ZBTB7C: variants seen among roughly 807,000 people sequenced by gnomAD.
The protein encoded by ZBTB7C is zinc finger and BTB domain-containing protein 7C.
Under a neutral mutation model 25.7 loss-of-function variants are expected in ZBTB7C, and 8 were observed. That is an observed-to-expected ratio of 0.31 (90% CI 0.18 to 0.56). ZBTB7C has a LOEUF of 0.56. ZBTB7C is among the 20% of genes least tolerant of loss of function. The pLI is 0.91. For missense variants in ZBTB7C, 824 were observed against 855.2 expected, an observed-to-expected ratio of 0.96 and a Z score of 0.46; for synonymous variants, 394 against 369.0, an observed-to-expected ratio of 1.07 and a Z score of -0.78.
intron 2 of ZBTB7C, among the ~76,000 whole-genome samples, chr18:48,186,226 C>T (rs2145132383): frequency 6.6e-6 from 1 of 152,338 alleles, no homozygotes; most frequent in South Asian, 2.1e-4. Flanking sequence ...CTCTCCCTCC[C>T]CGGCGCTGTG....
In ZBTB7C at chr18:48,336,317, AC is replaced by A. The variant is rs1598898355; in HGVS notation, c.-79+1856del. Among the ~76,000 whole-genome samples the A allele has an allele frequency of 5.9e-5, 9 of 152,156 alleles. No homozygotes were observed. In the East Asian group the frequency reaches 1.7e-3, roughly 29 times the overall value. On this transcript the variant is annotated intron_variant, in intron 2 of 4. Coordinates refer to ENST00000590800, the MANE Select transcript of ZBTB7C (RefSeq NM_001318841.2). ...ACTTCTCCCAGCCTTCCTGGCTCTC[AC>A]CCCCCACCAGACTGTGAGCTTCTCC... is the stretch of plus-strand genomic sequence containing the variant.
chr18:48,204,963 G>A (rs2042544640), intron 2 of ZBTB7C, among the ~76,000 whole-genome samples: 1 of 152,150 alleles, frequency 6.6e-6, no homozygotes, highest in Admixed American at 6.5e-5. Context: ...TGGTGGCAAG[G>A]TACAGTGAGA....
chr18:48,121,469 A>G (rs1470511439), intron 3 of ZBTB7C, among the ~76,000 whole-genome samples: 1 of 151,714 alleles, frequency 6.6e-6, no homozygotes, highest in Non-Finnish European at 1.5e-5. Flanking sequence ...CGATGTACAC[A>G]TTAGAACTAC....
intron 3 of ZBTB7C, among the ~76,000 whole-genome samples, chr18:48,063,736 G>C (rs2037213065): frequency 6.6e-6 from 1 of 152,148 alleles, no homozygotes; most frequent in African/African-American, 2.4e-5. Flanking sequence ...TGGGGCTATG[G>C]GGATTATGTG....
At chr18:48,311,120 A>G (rs1050855454) in intron 2 of ZBTB7C, among the ~76,000 whole-genome samples, 2 of 152,120 alleles carry the variant, frequency 1.3e-5, no homozygotes, top group Non-Finnish European at 2.9e-5. Context: ...AACAAAACCC[A>G]GGGGTAGGCA....
intron 2 of ZBTB7C, among the ~76,000 whole-genome samples, chr18:48,207,131 C>A (rs748147517): frequency 3.9e-5 from 6 of 152,326 alleles, no homozygotes; most frequent in Non-Finnish European, 7.3e-5. Context: ...GGACGTAGCA[C>A]TGAAGCAACC....
chr18:48,343,323 G>T (rs762909180), intron 1 of ZBTB7C, among the ~76,000 whole-genome samples: 35 of 152,060 alleles, frequency 2.3e-4, no homozygotes, highest in Non-Finnish European at 4.7e-4. Flanking sequence ...TCTAAGATTT[G>T]CCCTGTGTTT....
chr18:48,225,967 G>A (rs1029720468), intron 2 of ZBTB7C, among the ~76,000 whole-genome samples: 22 of 152,138 alleles, frequency 1.4e-4, no homozygotes, highest in Non-Finnish European at 8.8e-5. Context: ...GGTCTCGATC[G>A]CTTGACCTCG....
intron 2 of ZBTB7C, among the ~76,000 whole-genome samples, chr18:48,302,273 T>C (rs892859908): frequency 1.3e-5 from 2 of 152,186 alleles, no homozygotes; most frequent in African/African-American, 2.4e-5. Flanking sequence ...CAGGAGAGGA[T>C]AGGGCTGTCA....
At chr18:48,375,602 C>T (rs1159943499) in intron 1 of ZBTB7C, 1 of 152,248 alleles carries the variant, frequency 6.6e-6, no homozygotes, top group East Asian at 1.9e-4. Context: ...CACATACACA[C>T]ACACACAGCA....
At chr18:48,089,607 C>G (rs913070556) in intron 3 of ZBTB7C, among the ~76,000 whole-genome samples, 4 of 152,052 alleles carry the variant, frequency 2.6e-5, no homozygotes, top group Non-Finnish European at 5.9e-5. Context: ...GCACACCGCT[C>G]ACATGGGGCT....
intron 3 of ZBTB7C, among the ~76,000 whole-genome samples, chr18:48,182,787 A>G (rs1426478959): frequency 2.0e-5 from 3 of 152,266 alleles, no homozygotes; most frequent in African/African-American, 7.2e-5. Flanking sequence ...CTTTGGAAAC[A>G]GAATACACAA....
intron 2 of ZBTB7C, among the ~76,000 whole-genome samples, chr18:48,268,362 A>C (rs1472479494): frequency 6.6e-6 from 1 of 152,204 alleles, no homozygotes. Flanking sequence ...TCAGCGCAGA[A>C]CTGAGCTCAA....
chr18:48,308,198 G>C (rs1568366788), intron 2 of ZBTB7C, among the ~76,000 whole-genome samples: 1 of 152,142 alleles, frequency 6.6e-6, no homozygotes, highest in Non-Finnish European at 1.5e-5. Context: ...TACAGACAAG[G>C]CTACTTTGGT....
chr18:48,399,503 G>A lies in ZBTB7C; in HGVS notation c.-304+9723C>T, dbSNP rs190355884. On this transcript the variant is annotated intron_variant, in intron 1 of 4. Coordinates refer to ENST00000590800, the MANE Select transcript of ZBTB7C (RefSeq NM_001318841.2). ...TTAGCTGCAGGAGAAAAATTGAGGAGGCACCGTGGCTGCAGAAGGACTGGC... is the reference window on the plus strand; with the variant it reads ...TTAGCTGCAGGAGAAAAATTGAGGAAGCACCGTGGCTGCAGAAGGACTGGC... Among the ~76,000 whole-genome samples, 244 of 152,346 alleles carry A rather than the reference G, an allele frequency of 1.6e-3. 2 individuals carry two copies. The highest frequency in any genetic ancestry group is 5.2e-3 in the African/African-American group (217 of 41,578).
intron 3 of ZBTB7C, among the ~76,000 whole-genome samples, chr18:48,133,948 T>C (rs2040066559): frequency 6.6e-6 from 1 of 152,142 alleles, no homozygotes; most frequent in African/African-American, 2.4e-5. Context: ...ACCTGTGTAA[T>C]TGCTGTAAAC....
At chr18:48,097,052 G>C (rs958441133) in intron 3 of ZBTB7C, among the ~76,000 whole-genome samples, 3 of 152,232 alleles carry the variant, frequency 2.0e-5, no homozygotes, top group Admixed American at 1.3e-4. Context: ...TAGAGGGTCT[G>C]TCCAGCCCTT....
At position 48,343,971 on chromosome 18, in the gene ZBTB7C, T is replaced by TTTTA. The variant is rs201476545; in HGVS notation, c.-303-5577_-303-5574dup. Among the ~76,000 whole-genome samples, 1,338 of 152,136 alleles carry TTTTA rather than the reference T, an allele frequency of 8.8e-3. 15 individuals are homozygous for TTTTA. The highest frequency in any genetic ancestry group is 0.03 in the African/African-American group (1,253 of 41,478). On this transcript the variant is annotated intron_variant, in intron 1 of 4. Coordinates refer to ENST00000590800, the MANE Select transcript of ZBTB7C (RefSeq NM_001318841.2). ...TACCCTGGAGCCATGGGGATGTGTG[T>TTTTA]TTTATTTATTTATTTATTTAAATTT...
intron 3 of ZBTB7C, among the ~76,000 whole-genome samples, chr18:48,107,102 G>A (rs993552857): frequency 3.3e-5 from 5 of 150,754 alleles, no homozygotes; most frequent in African/African-American, 1.2e-4. Flanking sequence ...GGAGAGAGGG[G>A]AGGAGAGAGG....
Sources: allele counts gnomAD v4.1 joint callset (sites outside exome capture counted in the v4.1 genomes callset), GRCh38; gene constraint gnomAD v4.1.1; transcripts MANE v1.5; gene names NCBI Gene and HGNC (gene_info 2026-07-23, HGNC 2026-07-21).